Variants in CEP170 observed in about 807,000 individuals in gnomAD.
CEP170 encodes centrosomal protein of 170 kDa.
A neutral mutation model predicts 151.9 loss-of-function variants in CEP170; 21 were observed. The observed-to-expected ratio is 0.14, with a 90% confidence interval of 0.10 to 0.20. CEP170 has a LOEUF of 0.20. CEP170 is among the 10% of genes least tolerant of loss of function. The pLI, the probability that CEP170 is intolerant of heterozygous loss-of-function variation, is 1.00. For synonymous variants in CEP170, 356 were observed against 648.8 expected, an observed-to-expected ratio of 0.55 and a Z score of 6.86; for missense variants, 964 against 1,892.9, an observed-to-expected ratio of 0.51 and a Z score of 9.11.
At chr1:243,217,815 G>C (rs1022365781) in intron 3 of CEP170, among the ~76,000 whole-genome samples, 2 of 152,184 alleles carry the variant, frequency 1.3e-5, no homozygotes, top group African/African-American at 4.8e-5. Flanking sequence ...ACCTGGTGGT[G>C]AGGAAAATGA....
At chr1:243,184,203 T>G (rs2148705847) in intron 10 of CEP170, among the ~76,000 whole-genome samples, 1 of 152,142 alleles carries the variant, frequency 6.6e-6, no homozygotes, top group Non-Finnish European at 1.5e-5. Flanking sequence ...CTTTTTATAA[T>G]CTAGTGATAT....
chr1:243,166,538 G>A (rs1043999229), intron 12 of CEP170: 2 of 167,344 alleles, frequency 1.2e-5, no homozygotes, highest in Non-Finnish European at 2.6e-5. Flanking sequence ...TATGGCTAGA[G>A]AGGGCCAGCT....
intron 15 of CEP170, 60 bp from the exon 16 acceptor site, chr1:243,140,167 G>A (rs964845542): frequency 6.4e-7 from 1 of 1,562,504 alleles, no homozygotes; most frequent in Non-Finnish European, 8.7e-7. Context: ...TACCAATATT[G>A]GCATTACAAT....
Position 243,145,812 on chromosome 1 carries a change from C to T in CEP170, c.3912-3349G>A, listed in dbSNP as rs918324192. Among the ~76,000 whole-genome samples the T allele has an allele frequency of 6.6e-5, 10 of 152,158 alleles. 1 individual carries two copies. Among genetic ancestry groups the T allele is most frequent in the African/African-American group, 2.4e-4 (10 of 41,442 alleles). On this transcript the variant is annotated intron_variant, in intron 14 of 19. Coordinates refer to ENST00000366542, the MANE Select transcript of CEP170 (RefSeq NM_014812.3). ...GGCTAAGAGATCATAACTGTAATGA[C>T]TCAGCTTTCAAGAAATAATTTAGTC...
intron 13 of CEP170, among the ~76,000 whole-genome samples, chr1:243,162,749 A>G (rs1254240657): frequency 6.6e-6 from 1 of 152,228 alleles, no homozygotes; most frequent in Non-Finnish European, 1.5e-5. Flanking sequence ...AAATACATAC[A>G]TATCTTAATG....
In CEP170 at chr1:243,164,890, C is replaced by G; in HGVS notation, c.3070G>C (p.Asp1024His). The change falls in exon 13 of 20, where the codon GAT (aspartate) becomes CAT (histidine). Residue 1024 changes from aspartate to histidine, a missense_variant. Transcript: ENST00000366542. Reference protein sequence around the residue: ...RIRQPSVDLTDDDQTSSVPHS... With the variant: ...RIRQPSVDLTHDDQTSSVPHS... ...GGTACACTAGAGGTTTGGTCATCAT[C>G]TGTTAAGTCTACTGAGGGCTGTCTT... 1 of 1,613,844 alleles carries G rather than the reference C, an allele frequency of 6.2e-7. No individual in the cohort carries two copies. The highest frequency in any genetic ancestry group is 8.5e-7 in the Non-Finnish European group (1 of 1,179,740).
At chr1:243,138,026 G>A (rs1260514201) in intron 16 of CEP170, among the ~76,000 whole-genome samples, 1 of 151,816 alleles carries the variant, frequency 6.6e-6, no homozygotes, top group African/African-American at 2.4e-5. Flanking sequence ...AAATTAGGAA[G>A]GCATGAGAAA....
chr1:243,174,697 T>G (rs1040088677), intron 10 of CEP170, among the ~76,000 whole-genome samples: 3 of 152,224 alleles, frequency 2.0e-5, no homozygotes, highest in African/African-American at 7.2e-5. Context: ...TTGTTTATTT[T>G]AAATCAAATA....
chr1:243,128,199 A>T lies in CEP170; in HGVS notation c.4465+50T>A, dbSNP rs750379568. ...TTTTAAGAAATACCACTCAGAAGGC[A>T]CTTATTCTAAATTATTAGCTCTTTA... On this transcript the variant is annotated intron_variant, in intron 19 of 19. Transcript: ENST00000366542. The T allele has an allele frequency of 5.4e-6, 8 of 1,469,934 alleles. No homozygotes were observed. In the African/African-American group the frequency reaches 1.0e-4, roughly 19 times the overall value. 91.1% of individuals were successfully genotyped at this position (1,469,934 alleles called of 1,614,324 possible). A position where few individuals can be genotyped will look rare whatever the true frequency, so the allele number is the denominator to read the frequency against.
chr1:243,159,929 C>T (rs1361221415), intron 13 of CEP170, among the ~76,000 whole-genome samples: 1 of 152,046 alleles, frequency 6.6e-6, no homozygotes, highest in Admixed American at 6.6e-5. Flanking sequence ...GCTGGAATTA[C>T]AGGCACCTGC....
chr1:243,193,570 T>C (rs1181611498), intron 7 of CEP170, among the ~76,000 whole-genome samples: 1 of 152,090 alleles, frequency 6.6e-6, no homozygotes, highest in African/African-American at 2.4e-5. Context: ...TCACCTGTTT[T>C]GAAGGTCACC....
At chr1:243,204,113 G>C (rs2061249136) in intron 4 of CEP170, among the ~76,000 whole-genome samples, 1 of 151,972 alleles carries the variant, frequency 6.6e-6, no homozygotes, top group African/African-American at 2.4e-5. Context: ...GTTCTTTTAA[G>C]CTTTGAGAAA....
chr1:243,188,443 G>C (rs2060072541), intron 8 of CEP170, among the ~76,000 whole-genome samples: 1 of 152,018 alleles, frequency 6.6e-6, no homozygotes, highest in Non-Finnish European at 1.5e-5. Flanking sequence ...TATTTTGTCA[G>C]GGTTATACAA....
rs370780102 is a variant in CEP170, at chr1:243,159,003, G to A, written c.3677-2548C>T. Among the ~76,000 whole-genome samples, 63 of 152,132 alleles carry A rather than the reference G, an allele frequency of 4.1e-4. 2 individuals carry two copies. The South Asian group carries it at 0.012, about 28-fold the overall frequency. On this transcript the variant is annotated intron_variant, in intron 13 of 19. Transcript: ENST00000366542. ...AATTACGTGAACCCTGGAGTCGGAGGGTGCAGTGAGCTGAGATCGCACCAC... is the reference window on the plus strand; with the variant it reads ...AATTACGTGAACCCTGGAGTCGGAGAGTGCAGTGAGCTGAGATCGCACCAC...
chr1:243,200,792 A>G lies in CEP170; in HGVS notation c.318T>C (p.Pro106=). ...FTVVQGEMRV[P]EEALKHEKFT... is the part of the protein sequence containing the mutation. ...AAACTGTTACCTTAAGAGCTTCTTCAGGGACCCTCATTTCTCCTTGTACTA... is the reference window on the plus strand; with the variant it reads ...AAACTGTTACCTTAAGAGCTTCTTCGGGGACCCTCATTTCTCCTTGTACTA... Residue 106 remains proline, a synonymous_variant, in exon 5 of 20, where the codon CCT becomes CCC. Transcript: ENST00000366542. 1 of 1,611,930 alleles carries G rather than the reference A, an allele frequency of 6.2e-7. No individual in the cohort carries two copies. The highest frequency in any genetic ancestry group is 8.5e-7 in the Non-Finnish European group (1 of 1,179,066).
rs185593576 is a variant in CEP170, at chr1:243,221,063, C to T, written c.195+661G>A. On this transcript the variant is annotated intron_variant, in intron 3 of 19. Coordinates refer to ENST00000366542, the MANE Select transcript of CEP170 (RefSeq NM_014812.3). ...TGAGACGCAGTCTTGCTTGTTCTGT[C>T]GCCCAGGCTGGAGTGCAGTGGCGCT... is the stretch of plus-strand genomic sequence containing the variant. 5.3e-5 allele frequency among the ~76,000 whole-genome samples: 8 copies of T among 152,134 alleles called. 1 individual carries two copies. Among genetic ancestry groups the T allele is most frequent in the South Asian group, 2.1e-4 (1 of 4,818 alleles).
At chr1:243,153,027 C>T (rs2789252) in intron 14 of CEP170, among the ~76,000 whole-genome samples, 17 of 152,262 alleles carry the variant, frequency 1.1e-4, no homozygotes, top group Non-Finnish European at 1.5e-4. Flanking sequence ...CAAGATTAAC[C>T]GGAGTTTGGA....
chr1:243,255,284 C>G (rs915081618), upstream of CEP170: 1 of 152,834 alleles, frequency 6.5e-6, no homozygotes, highest in Non-Finnish European at 1.5e-5. Flanking sequence ...CGGGAAAGGG[C>G]GAGGAGCCGG....
intron 8 of CEP170, among the ~76,000 whole-genome samples, chr1:243,186,967 A>G (rs901885083): frequency 6.6e-6 from 1 of 152,246 alleles, no homozygotes; most frequent in African/African-American, 2.4e-5. Flanking sequence ...AAAAAGATTC[A>G]AATTTGTAGT....
Sources: allele counts gnomAD v4.1 joint callset (sites outside exome capture counted in the v4.1 genomes callset), GRCh38; gene constraint gnomAD v4.1.1; transcripts MANE v1.5; gene names NCBI Gene and HGNC (gene_info 2026-07-23, HGNC 2026-07-21).